NEBL: variants seen among roughly 807,000 people sequenced by gnomAD.
NEBL encodes LIM and SH3 protein 2.
NEBL carries 122 observed loss-of-function variants against 140.2 expected under a neutral mutation model. That is an observed-to-expected ratio of 0.87 (90% CI 0.75 to 1.01). NEBL has a LOEUF of 1.01. Among genes scored for constraint, NEBL ranks in the 50% least tolerant of loss-of-function variants. The pLI is 0.00. For missense variants in NEBL, 1,365 were observed against 1,231.3 expected (o/e 1.11, Z -1.62); for synonymous variants, 436 against 398.9 (o/e 1.09, Z -1.11).
intron 3 of NEBL, among the ~76,000 whole-genome samples, chr10:20,972,109 C>T (rs1233766002): frequency 6.6e-6 from 1 of 152,116 alleles, no homozygotes; most frequent in Non-Finnish European, 1.5e-5. Context: ...AAGCTACATC[C>T]TAACTAGCTT....
At position 21,040,479 on chromosome 10, in the gene NEBL, C is replaced by T. The variant is rs938173978; in HGVS notation, c.165-20278G>A. Among the ~76,000 whole-genome samples, 6 of 152,266 alleles carry T rather than the reference C, an allele frequency of 3.9e-5. No individual in the cohort carries two copies. In the East Asian group the frequency reaches 1.2e-3, roughly 29 times the overall value. ...AGGTGAAGGGGGAGCAGGTATGTTACCTGGTGAGCGAAGGAGAAATAGAGG... is the reference window on the plus strand; with the variant it reads ...AGGTGAAGGGGGAGCAGGTATGTTATCTGGTGAGCGAAGGAGAAATAGAGG... On this transcript the variant is annotated intron_variant, in intron 2 of 6. Transcript: ENST00000417816.
chr10:20,818,944 A>T (rs965036791), intron 20 of NEBL: 46 of 966,898 alleles, frequency 4.8e-5, no homozygotes, highest in Non-Finnish European at 5.7e-5. Flanking sequence ...TCCGTTTATC[A>T]TCATCGTTAT....
At chr10:20,985,802 T>TA (rs918053365) in intron 3 of NEBL, among the ~76,000 whole-genome samples, 36 of 152,108 alleles carry the variant, frequency 2.4e-4, no homozygotes, top group South Asian at 1.5e-3. Context: ...ATTATGTTTT[T>TA]AAAAAAAACC....
rs540325242 is a variant in NEBL at position 21,097,526 on chromosome 10, G to A, written c.164+74857C>T. Among the ~76,000 whole-genome samples, 20 of 152,240 alleles carry A rather than the reference G, an allele frequency of 1.3e-4. No individual in the cohort carries two copies. The East Asian group carries it at 3.9e-3, about 29-fold the overall frequency. ...TCCTTTCTGTTTTCTATAGCAATAG[G>A]CTGACCTCCATTTCAGCATGGCTTA... On this transcript the variant is annotated intron_variant, in intron 2 of 6. Transcript: ENST00000417816.
At chr10:21,201,078 CA>C (rs202007655) in intron 3 of NEBL, among the ~76,000 whole-genome samples, 117 of 134,352 alleles carry the variant, frequency 8.7e-4, no homozygotes, top group Non-Finnish European at 1.0e-3. Context: ...AGATTCTGTC[CA>C]AAAAAAAAAA....
At chr10:21,034,212 A>T (rs925327019) in intron 2 of NEBL, among the ~76,000 whole-genome samples, 1 of 151,500 alleles carries the variant, frequency 6.6e-6, no homozygotes, top group Non-Finnish European at 1.5e-5. Context: ...AACTAGAAAT[A>T]CCATATTACA....
At chr10:20,795,470 C>G (rs1248246597) in intron 26 of NEBL, among the ~76,000 whole-genome samples, 1 of 152,090 alleles carries the variant, frequency 6.6e-6, no homozygotes, top group Admixed American at 6.6e-5. Context: ...AATAAAGTAG[C>G]ATCATTTCTG....
chr10:20,978,378 G>A (rs1836888375), intron 3 of NEBL, among the ~76,000 whole-genome samples: 1 of 151,384 alleles, frequency 6.6e-6, no homozygotes, highest in Non-Finnish European at 1.5e-5. Context: ...GGCCATTTGT[G>A]AGTCTATCCT....
At chr10:21,264,692 T>G (rs1403620759) in intron 1 of NEBL, among the ~76,000 whole-genome samples, 2 of 106,326 alleles carry the variant, frequency 1.9e-5, no homozygotes, top group African/African-American at 7.3e-5. Flanking sequence ...TTCCAGTTGC[T>G]ATTTAAAAAA....
intron 2 of NEBL, among the ~76,000 whole-genome samples, chr10:21,159,547 T>G (rs2132149215): frequency 6.6e-6 from 1 of 152,342 alleles, no homozygotes; most frequent in Non-Finnish European, 1.5e-5. Flanking sequence ...GCAGTGACGT[T>G]GTCCACAAAA....
intron 21 of NEBL, among the ~76,000 whole-genome samples, chr10:20,816,050 G>C (rs1230037884): frequency 6.6e-6 from 1 of 152,184 alleles, no homozygotes; most frequent in African/African-American, 2.4e-5. Flanking sequence ...TGACAATCCT[G>C]AGCCACAGTG....
chr10:21,134,845 G>T (rs1409110255), intron 2 of NEBL, among the ~76,000 whole-genome samples: 6 of 152,178 alleles, frequency 3.9e-5, no homozygotes, highest in African/African-American at 1.4e-4. Flanking sequence ...CCCCTGGAAG[G>T]TACGCTACTC....
intron 4 of NEBL, among the ~76,000 whole-genome samples, chr10:20,952,841 G>T (rs1835549447): frequency 1.4e-5 from 2 of 138,698 alleles, no homozygotes; most frequent in Admixed American, 8.1e-5. Flanking sequence ...GGAGGTGGAG[G>T]TTGCAGTAAG....
intron 1 of NEBL, among the ~76,000 whole-genome samples, chr10:21,252,329 G>T (rs976416360): frequency 3.9e-5 from 6 of 152,196 alleles, no homozygotes; most frequent in African/African-American, 1.4e-4. Context: ...GGCAGAATAT[G>T]TGGAAAATCA....
chr10:20,887,751 T>C lies in NEBL; in HGVS notation c.369+346A>G, dbSNP rs182226167. ...CTTTATGTGGCTTTTAACAAGCTAT[T>C]CAAATATTCTCTACTTAGGGATCAT... On this transcript the variant is annotated intron_variant, in intron 4 of 27. Coordinates refer to ENST00000377122, the MANE Select transcript of NEBL (RefSeq NM_006393.3). Among the ~76,000 whole-genome samples the C allele has an allele frequency of 6.8e-3, 1,030 of 152,296 alleles. 8 individuals carry two copies. The highest frequency in any genetic ancestry group is 0.017 in the Middle Eastern group (5 of 294).
At chr10:21,271,280 T>TA (rs1168468415) in intron 1 of NEBL, among the ~76,000 whole-genome samples, 2 of 152,164 alleles carry the variant, frequency 1.3e-5, no homozygotes, top group African/African-American at 2.4e-5. Context: ...TGATCTCACG[T>TA]AAACTTCTAA....
chr10:21,223,352 C>T (rs1013035798), intron 3 of NEBL, among the ~76,000 whole-genome samples: 2 of 152,206 alleles, frequency 1.3e-5, no homozygotes, highest in Admixed American at 1.3e-4. Flanking sequence ...CCTCCAGTTA[C>T]ATCCATGTTA....
intron 3 of NEBL, among the ~76,000 whole-genome samples, chr10:21,200,939 A>C (rs898645820): frequency 6.6e-6 from 1 of 152,072 alleles, no homozygotes; most frequent in Non-Finnish European, 1.5e-5. Context: ...AAAAATAAAA[A>C]ATTATCTGGA....
At chr10:21,030,638 A>C (rs1401310362) in intron 2 of NEBL, 1 of 540,614 alleles carries the variant, frequency 1.8e-6, no homozygotes, top group African/African-American at 1.9e-5. Flanking sequence ...CCAGCAAGGA[A>C]AGATGAAAAT....
Sources: allele counts gnomAD v4.1 joint callset (sites outside exome capture counted in the v4.1 genomes callset), GRCh38; gene constraint gnomAD v4.1.1; transcripts MANE v1.5; gene names NCBI Gene and HGNC (gene_info 2026-07-23, HGNC 2026-07-21).